GNG2: variants seen among roughly 807,000 people sequenced by gnomAD.
The protein encoded by GNG2 is G protein subunit gamma 2, also known as guanine nucleotide-binding protein G(I)/G(S)/G(O) subunit gamma-2.
Under a neutral mutation model 5.5 loss-of-function variants are expected in GNG2, and 5 were observed. The observed-to-expected ratio is 0.91, with a 90% CI of 0.48 to 1.92. GNG2 has a LOEUF of 1.92. Ranked by LOEUF, GNG2 falls within the 30% of genes most tolerant of loss-of-function variation. The probability of loss-of-function intolerance (pLI) is 0.01; values close to 1 mark genes in which losing one functional copy is unlikely to be tolerated. For missense variants in GNG2, 55 were observed against 88.4 expected (o/e 0.62, Z 1.52); for synonymous variants, 28 against 32.0 (o/e 0.88, Z 0.42).
rs1389073011 is a variant in GNG2 at position 51,968,888 on chromosome 14, T to C, written c.*2201T>C. Reference sequence around the variant, plus strand: ...CTCAGAAGGACTCTTTATATTTCCATGTAAATCTAGATCTTTGGAGCAATT... The same window carrying C: ...CTCAGAAGGACTCTTTATATTTCCACGTAAATCTAGATCTTTGGAGCAATT... On this transcript the variant is annotated 3_prime_UTR_variant, in exon 4 of 4. Transcript: ENST00000556766. The C allele has an allele frequency of 3.3e-5, 5 of 152,234 alleles. No individual in the cohort carries two copies. The highest frequency in any genetic ancestry group is 1.2e-4 in the African/African-American group (5 of 41,464). 9.4% of individuals were successfully genotyped at this position (152,234 alleles called of 1,614,324 possible).
At chr14:51,909,635 AG>A (rs1181076127) in intron 2 of GNG2, among the ~76,000 whole-genome samples, 2 of 152,242 alleles carry the variant, frequency 1.3e-5, no homozygotes, top group African/African-American at 2.4e-5. Flanking sequence ...ATTCGTAGGC[AG>A]AGGCACCCAC....
intron 1 of GNG2, among the ~76,000 whole-genome samples, chr14:51,872,379 T>G (rs1429513319): frequency 2.0e-5 from 3 of 152,214 alleles, no homozygotes; most frequent in South Asian, 4.1e-4. Flanking sequence ...CGAAATAGAT[T>G]TATATAAATT....
intron 2 of GNG2, among the ~76,000 whole-genome samples, chr14:51,938,856 G>A (rs1888160394): frequency 1.3e-5 from 2 of 152,184 alleles, no homozygotes; most frequent in Non-Finnish European, 2.9e-5. Context: ...GAACTACAGG[G>A]GTTGCCTGAG....
At chr14:51,891,939 A>G (rs1884883438) in intron 2 of GNG2, among the ~76,000 whole-genome samples, 1 of 152,186 alleles carries the variant, frequency 6.6e-6, no homozygotes, top group Admixed American at 6.5e-5. Context: ...TAGGACGTAT[A>G]CTTTGGAGTT....
At chr14:51,877,685 G>T (rs1883765922) in intron 2 of GNG2, 28 bp downstream of exon 2, 1 of 451,358 alleles carries the variant, frequency 2.2e-6, no homozygotes, top group African/African-American at 2.0e-5. Flanking sequence ...TTTTCTTCTA[G>T]AATCTTGAAT....
chr14:51,869,344 TG>T (rs917477110), intron 1 of GNG2, among the ~76,000 whole-genome samples: 1 of 152,222 alleles, frequency 6.6e-6, no homozygotes, highest in Non-Finnish European at 1.5e-5. Flanking sequence ...GTTACTTATG[TG>T]GTAGCTGGAT....
chr14:51,904,522 GCCCA>G (rs1885781744), intron 2 of GNG2, among the ~76,000 whole-genome samples: 1 of 152,102 alleles, frequency 6.6e-6, no homozygotes, highest in Non-Finnish European at 1.5e-5. Flanking sequence ...AACTGCCCTG[GCCCA>G]CCCACTCCCA....
At chr14:51,885,582 T>C (rs974636029) in intron 2 of GNG2, among the ~76,000 whole-genome samples, 3 of 141,616 alleles carry the variant, frequency 2.1e-5, no homozygotes, top group African/African-American at 7.5e-5. Context: ...TCCCCTGCCG[T>C]ATTCTATAAC....
At chr14:51,952,022 T>C in intron 3 of GNG2, 1 of 634,838 alleles carries the variant, frequency 1.6e-6, no homozygotes, top group Non-Finnish European at 2.8e-6. Flanking sequence ...TGGGGTATGA[T>C]TCAGGCATCA....
At chr14:51,942,599 T>C (rs375641888) in intron 2 of GNG2, among the ~76,000 whole-genome samples, 223 of 133,810 alleles carry the variant, frequency 1.7e-3, no homozygotes, top group Non-Finnish European at 2.3e-3. Context: ...CTTTTTTTTT[T>C]TTTTTTTAGA....
At chr14:51,906,600 A>T (rs914048494) in intron 2 of GNG2, among the ~76,000 whole-genome samples, 16 of 152,172 alleles carry the variant, frequency 1.1e-4, no homozygotes, top group African/African-American at 3.6e-4. Flanking sequence ...AGGATAAGAG[A>T]TGTACTTTTA....
intron 2 of GNG2, chr14:51,841,450 T>G (rs1881479234): frequency 1.5e-6 from 1 of 681,548 alleles, no homozygotes; most frequent in South Asian, 1.5e-5. Context: ...TATGAATTCA[T>G]ATAATCCTCA....
At chr14:51,904,004 A>AGAAGG (rs1376494562) in intron 2 of GNG2, among the ~76,000 whole-genome samples, 4 of 152,242 alleles carry the variant, frequency 2.6e-5, no homozygotes, top group Non-Finnish European at 4.4e-5. Flanking sequence ...GAATTTCTCA[A>AGAAGG]AAGGCATGCA....
intron 1 of GNG2, chr14:51,827,573 C>T (rs1881062115): frequency 1.6e-6 from 1 of 635,184 alleles, no homozygotes; most frequent in Admixed American, 2.4e-5. Flanking sequence ...CAGTTCCAGA[C>T]TATAACTAGC....
At chr14:51,929,881 A>C (rs1227837082) in intron 2 of GNG2, among the ~76,000 whole-genome samples, 1 of 152,230 alleles carries the variant, frequency 6.6e-6, no homozygotes, top group Non-Finnish European at 1.5e-5. Context: ...TAGGAGGCTC[A>C]GTGCCTCTAG....
At chr14:51,851,280 A>T (rs1237268675) in intron 2 of GNG2, among the ~76,000 whole-genome samples, 1 of 150,146 alleles carries the variant, frequency 6.7e-6, no homozygotes, top group Non-Finnish European at 1.5e-5. Context: ...GGCTCCCCAT[A>T]TGCATACTCA....
intron 2 of GNG2, among the ~76,000 whole-genome samples, chr14:51,930,018 T>C (rs1887562468): frequency 6.6e-6 from 1 of 152,162 alleles, no homozygotes; most frequent in Admixed American, 6.5e-5. Flanking sequence ...CTATGCAGAG[T>C]ACCAATCACC....
intron 2 of GNG2, among the ~76,000 whole-genome samples, chr14:51,853,370 C>T (rs1882003444): frequency 6.6e-6 from 1 of 152,182 alleles, no homozygotes; most frequent in African/African-American, 2.4e-5. Flanking sequence ...CCATAGTTCC[C>T]TCCACTGCTA....
At chr14:51,886,218 T>A (rs1404882457) in intron 2 of GNG2, among the ~76,000 whole-genome samples, 1 of 152,216 alleles carries the variant, frequency 6.6e-6, no homozygotes, top group East Asian at 1.9e-4. Context: ...ATGTTTTGCT[T>A]TCCTCACATT....
Sources: gnomAD v4.1 joint callset for allele counts (sites outside exome capture counted in the v4.1 genomes callset) on GRCh38, gnomAD v4.1.1 for gene constraint, MANE v1.5 for transcripts, NCBI Gene and HGNC (gene_info 2026-07-23, HGNC 2026-07-21) for gene names.